The following PTCHD4 variants were observed in gnomAD, a reference collection of about 807,000 sequenced individuals.
PTCHD4 encodes the protein patched domain-containing protein 4.
Under a neutral mutation model 58.1 loss-of-function variants are expected in PTCHD4, and 33 were observed. The ratio of observed to expected loss-of-function variants is 0.57; its 90% CI spans 0.43 to 0.76. The LOEUF (loss-of-function observed/expected upper bound fraction) is 0.76. Among genes scored for constraint, PTCHD4 ranks in the 30% least tolerant of loss-of-function variants. PTCHD4 has a pLI of 0.00. For missense variants in PTCHD4, 1,058 were observed against 1,027.1 expected (o/e 1.03, Z -0.41); for synonymous variants, 478 against 409.6 (o/e 1.17, Z -2.02).
At chr6:47,985,449 G>C (rs1561991368) in intron 4 of PTCHD4, among the ~76,000 whole-genome samples, 1 of 152,054 alleles carries the variant, frequency 6.6e-6, no homozygotes, top group South Asian at 2.1e-4. Flanking sequence ...GAAAGTGTAT[G>C]AAAGTCATTT....
chr6:47,952,054 G>T (rs1242809155), intron 4 of PTCHD4, among the ~76,000 whole-genome samples: 2 of 152,080 alleles, frequency 1.3e-5, no homozygotes, highest in Non-Finnish European at 2.9e-5. Context: ...GGAGAGGACG[G>T]CTCAGAGAGG....
At chr6:48,020,799 A>G (rs963263505) in intron 3 of PTCHD4, among the ~76,000 whole-genome samples, 6 of 152,122 alleles carry the variant, frequency 3.9e-5, no homozygotes, top group African/African-American at 1.2e-4. Context: ...CTCCACTACT[A>G]TGTAACAATA....
rs544065151 is a variant in PTCHD4 at position 47,955,874 on chromosome 6, T to C, written c.898+52760A>G. Among the ~76,000 whole-genome samples the C allele has an allele frequency of 3.3e-5, 5 of 152,312 alleles. 1 individual carries two copies. In the South Asian group the frequency reaches 1.0e-3, roughly 32 times the overall value. On this transcript the variant is annotated intron_variant, in intron 4 of 4. Coordinates refer to ENST00000339488, the MANE Select transcript of PTCHD4 (RefSeq NM_001384253.1). ...ATTTGAGGGCAGGAGGCCTGTCCTG[T>C]TCCTTTCCAAGTCCCATGGTATAGA...
At position 47,870,066 on chromosome 6, in the gene PTCHD4, C is replaced by G. The variant is rs1256386441; in HGVS notation, c.*8237G>C. ...TAGAATATACACCTGTATAATTTAT[C>G]ACTACTTTAATATATAAATTATTTC... On this transcript the variant is annotated 3_prime_UTR_variant, in exon 5 of 5. Coordinates refer to ENST00000339488, the MANE Select transcript of PTCHD4 (RefSeq NM_001384253.1). Among the ~76,000 whole-genome samples the G allele has an allele frequency of 6.6e-6, 1 of 151,580 alleles. No homozygotes were observed. Among genetic ancestry groups the G allele is most frequent in the Non-Finnish European group, 1.5e-5 (1 of 67,712 alleles).
At chr6:47,960,545 G>A (rs936518517) in intron 4 of PTCHD4, among the ~76,000 whole-genome samples, 1 of 151,906 alleles carries the variant, frequency 6.6e-6, no homozygotes, top group African/African-American at 2.4e-5. Flanking sequence ...CCAAAAGAAA[G>A]GTGGAATGAC....
chr6:48,089,900 TTTTC>T, intron 1 of PTCHD4, among the ~76,000 whole-genome samples: 1 of 152,322 alleles, frequency 6.6e-6, no homozygotes, highest in East Asian at 1.9e-4. Flanking sequence ...AATTCTATTC[TTTTC>T]TTTCTTTCGT....
rs1427088532 is a variant in PTCHD4, at chr6:47,877,409, A to G, written c.*894T>C. Among the ~76,000 whole-genome samples, 1 of 152,080 alleles carries G rather than the reference A, an allele frequency of 6.6e-6. No homozygotes were observed. The highest frequency in any genetic ancestry group is 6.6e-5 in the Admixed American group (1 of 15,242). ...ATATCAGTCTTCCAAATACAGTAAA[A>G]GCCAACGAAAATCCATATCAACTGT... On this transcript the variant is annotated 3_prime_UTR_variant, in exon 5 of 5. Coordinates refer to ENST00000339488, the MANE Select transcript of PTCHD4 (RefSeq NM_001384253.1).
chr6:48,085,448 TAATAAGG>T (rs751874699), intron 1 of PTCHD4, among the ~76,000 whole-genome samples: 37 of 152,200 alleles, frequency 2.4e-4, no homozygotes, highest in Admixed American at 2.4e-3. Context: ...TTGACTTCTC[TAATAAGG>T]AACAACTGAC....
chr6:47,989,583 G>A (rs892801987), intron 4 of PTCHD4, among the ~76,000 whole-genome samples: 1 of 152,208 alleles, frequency 6.6e-6, no homozygotes, highest in African/African-American at 2.4e-5. Flanking sequence ...CCAAGGTACA[G>A]CTCAGGCTGT....
chr6:47,900,276 C>T (rs367777088), intron 4 of PTCHD4: 1 of 152,202 alleles, frequency 6.6e-6, no homozygotes, highest in South Asian at 2.1e-4. Flanking sequence ...TAACCTACCT[C>T]ATCAATACTT....
intron 3 of PTCHD4, among the ~76,000 whole-genome samples, chr6:48,035,650 G>C (rs1763606609): frequency 6.6e-6 from 1 of 152,080 alleles, no homozygotes; most frequent in Admixed American, 6.6e-5. Flanking sequence ...ATTTTAGCAA[G>C]AATCCTCCTA....
chr6:47,919,443 C>T (rs1249763810), intron 4 of PTCHD4, among the ~76,000 whole-genome samples: 5 of 152,168 alleles, frequency 3.3e-5, no homozygotes, highest in Non-Finnish European at 7.3e-5. Context: ...AGAGTACTTT[C>T]AATCAGTTGA....
chr6:48,063,183 T>C (rs578100801), intron 3 of PTCHD4, among the ~76,000 whole-genome samples: 3 of 152,264 alleles, frequency 2.0e-5, no homozygotes, highest in Admixed American at 6.5e-5. Context: ...TTTTAGCTAA[T>C]CCTGGAGCCT....
chr6:48,096,060 C>CTGATAGATAT (rs1255167727), intron 1 of PTCHD4, among the ~76,000 whole-genome samples: 2 of 152,094 alleles, frequency 1.3e-5, no homozygotes, highest in African/African-American at 4.8e-5. Flanking sequence ...CTAGAAGCTT[C>CTGATAGATAT]TGATAGATAT....
At chr6:48,007,927 T>C (rs1762513122) in intron 4 of PTCHD4, among the ~76,000 whole-genome samples, 1 of 60,304 alleles carries the variant, frequency 1.7e-5, no homozygotes, top group Non-Finnish European at 3.1e-5. Context: ...AAAGAATATG[T>C]GCGCGCGCGC....
chr6:47,894,379 C>T (rs886991679), intron 4 of PTCHD4, among the ~76,000 whole-genome samples: 2 of 152,194 alleles, frequency 1.3e-5, no homozygotes, highest in African/African-American at 4.8e-5. Flanking sequence ...AGCAACACGG[C>T]AGAGGGGTCT....
At position 47,857,116 on chromosome 6, in the gene PTCHD4, C is replaced by T. The variant is rs1048890379; in HGVS notation, c.*21187G>A. On this transcript the variant is annotated 3_prime_UTR_variant, in exon 5 of 5. Transcript: ENST00000339488. ...TATTATATAGTATTGTCCCACCTAA[C>T]AAAAATTACTTATGATCAGTGTTGC... 1.3e-5 allele frequency among the ~76,000 whole-genome samples: 2 copies of T among 151,990 alleles called. No individual in the cohort carries two copies. The highest frequency in any genetic ancestry group is 2.9e-5 in the Non-Finnish European group (2 of 67,980).
At chr6:47,893,104 G>T (rs531365884) in intron 4 of PTCHD4, among the ~76,000 whole-genome samples, 5 of 152,108 alleles carry the variant, frequency 3.3e-5, no homozygotes, top group Admixed American at 2.0e-4. Context: ...TCTGCCTCCC[G>T]GGTTCAAGCG....
At chr6:48,101,264 G>A (rs572355572) in intron 1 of PTCHD4, among the ~76,000 whole-genome samples, 126 of 152,248 alleles carry the variant, frequency 8.3e-4, no homozygotes, top group African/African-American at 3.0e-3. Flanking sequence ...AGAATTCAAT[G>A]TGAAGATCAA....
Sources: gnomAD v4.1 joint callset for allele counts (sites outside exome capture counted in the v4.1 genomes callset) on GRCh38, gnomAD v4.1.1 for gene constraint, MANE v1.5 for transcripts, NCBI Gene and HGNC (gene_info 2026-07-23, HGNC 2026-07-21) for gene names.